Variants in PSME4 observed in about 807,000 individuals in gnomAD.
The protein encoded by PSME4 is proteasome activator subunit 4, also known as proteasome activator complex subunit 4.
PSME4 carries 89 observed loss-of-function variants against 253.9 expected under a neutral mutation model. The observed-to-expected ratio is 0.35, with a 90% CI of 0.30 to 0.42. The LOEUF (loss-of-function observed/expected upper bound fraction) is 0.42, where lower values mean the gene tolerates loss of function less well. Ranked by LOEUF, PSME4 falls within the 10% of genes least tolerant of loss-of-function variation. PSME4 has a pLI of 1.00. For missense variants in PSME4, 2,014 were observed against 2,195.2 expected, an observed-to-expected ratio of 0.92 and a Z score of 1.65; for synonymous variants, 851 against 759.2, an observed-to-expected ratio of 1.12 and a Z score of -1.99.
At chr2:53,955,165 T>C (rs1037528543) in intron 1 of PSME4, among the ~76,000 whole-genome samples, 1 of 152,146 alleles carries the variant, frequency 6.6e-6, no homozygotes, top group African/African-American at 2.4e-5. Flanking sequence ...AGCAAGACCC[T>C]GACTCTCCAA....
chr2:53,866,358 C>A, intron 45 of PSME4, 135 bp from the exon 46 acceptor site: 2 of 938,118 alleles, frequency 2.1e-6, no homozygotes, highest in South Asian at 1.9e-5. Context: ...AACCAAAAAG[C>A]CAATGAGAAG....
chr2:53,901,188 A>T (rs1398620193), intron 28 of PSME4, among the ~76,000 whole-genome samples, 162 bp downstream of exon 28: 1 of 152,188 alleles, frequency 6.6e-6, no homozygotes, highest in African/African-American at 2.4e-5. Context: ...ATAATGATCA[A>T]TGAAAGTACA....
At chr2:53,959,275 G>A (rs1434425124) in intron 1 of PSME4, among the ~76,000 whole-genome samples, 4 of 152,158 alleles carry the variant, frequency 2.6e-5, no homozygotes, top group Non-Finnish European at 5.9e-5. Context: ...TGAGGCAGGA[G>A]AATCGCTGGA....
intron 41 of PSME4, among the ~76,000 whole-genome samples, chr2:53,876,058 T>C (rs1679099945): frequency 6.6e-6 from 1 of 152,136 alleles, no homozygotes; most frequent in Admixed American, 6.6e-5. Flanking sequence ...AAAGGTCCCT[T>C]AAAAAAGAAT....
Position 53,893,709 on chromosome 2 carries a change from C to A in PSME4, c.4003G>T (p.Asp1335Tyr). 6.2e-7 allele frequency: 1 copy of A among 1,610,512 alleles called. No individual in the cohort carries two copies. The highest frequency in any genetic ancestry group is 1.7e-4 in the Middle Eastern group (1 of 6,014). Residue 1335 changes from aspartate to tyrosine, a missense_variant, in exon 35 of 47, where the codon GAT (aspartate) becomes TAT (tyrosine). This residue lies in a region of PSME4 where 989 missense variants were observed against 1,021.1 expected (regional missense o/e 0.97). Transcript: ENST00000404125. Reference protein sequence around the residue: ...FLSLEDRKGKDKFNPRRFCLF... With the variant: ...FLSLEDRKGKYKFNPRRFCLF... ...CAAAAACGTCGTGGATTAAACTTAT[C>A]TTTTCCTTTTCTGTCTTCTAATGAT...
At chr2:53,879,396 A>AAAAAGC (rs1180893788) in intron 41 of PSME4, among the ~76,000 whole-genome samples, 1 of 152,240 alleles carries the variant, frequency 6.6e-6, no homozygotes, top group African/African-American at 2.4e-5. Flanking sequence ...CTCTTCAGAA[A>AAAAAGC]AAAAGCAAAA....
Position 53,970,911 on chromosome 2 carries a change from G to T in PSME4, c.-127C>A. The T allele has an allele frequency of 2.7e-6, 2 of 745,990 alleles. No homozygotes were observed. The highest frequency in any genetic ancestry group is 4.0e-6 in the Non-Finnish European group (2 of 505,418). 46.2% of individuals were successfully genotyped at this position (745,990 alleles called of 1,614,324 possible). ...GCTGGCGGCCCGTCGCCCTCGGACC[G>T]ATCGCTAGGCCCCCTTCCCTGGCCG... is the stretch of plus-strand genomic sequence containing the variant. On this transcript the variant is annotated 5_prime_UTR_variant, in exon 1 of 47. Transcript: ENST00000404125.
At chr2:53,927,629 G>T in intron 11 of PSME4, 146 bp from the exon 12 acceptor site, 1 of 682,356 alleles carries the variant, frequency 1.5e-6, no homozygotes, top group Non-Finnish European at 2.6e-6. Context: ...ATTTAGAATT[G>T]AACACTGTAA....
Position 53,970,893 on chromosome 2 carries a change from G to T in PSME4, c.-109C>A. On this transcript the variant is annotated 5_prime_UTR_variant, in exon 1 of 47. Transcript: ENST00000404125. ...CTTCGTCGCCCTGCGGCCGCTGGCG[G>T]CCCGTCGCCCTCGGACCGATCGCTA... The T allele has an allele frequency of 1.0e-6, 1 of 981,926 alleles. No homozygotes were observed. The highest frequency in any genetic ancestry group is 1.4e-6 in the Non-Finnish European group (1 of 706,008). 60.8% of individuals were successfully genotyped at this position (981,926 alleles called of 1,614,324 possible).
At chr2:53,947,017 T>A (rs920924567) in intron 3 of PSME4, among the ~76,000 whole-genome samples, 3 of 152,242 alleles carry the variant, frequency 2.0e-5, no homozygotes, top group Non-Finnish European at 4.4e-5. Context: ...TATTTCGTGA[T>A]AAAATTTGCT....
intron 7 of PSME4, 129 bp downstream of exon 7, chr2:53,935,958 A>G (rs1481088070): frequency 7.8e-7 from 1 of 1,289,168 alleles, no homozygotes; most frequent in East Asian, 2.7e-5. Flanking sequence ...CAGTACTGCA[A>G]TCTTGGCTCA....
rs761207512 is a variant in PSME4, at chr2:53,888,715, A to T, written c.4388+6T>A. 1.2e-5 allele frequency: 19 copies of T among 1,599,864 alleles called. No individual in the cohort carries two copies. The highest frequency in any genetic ancestry group is 1.5e-5 in the Non-Finnish European group (18 of 1,168,382). ...TTAACCTCATAGGTTTTTTAAAAAA[A>T]TTTACCATGCATCTACAAAGGATCC... On this transcript the variant is annotated splice_donor_region_variant and intron_variant, in intron 38 of 46. Coordinates refer to ENST00000404125, the MANE Select transcript of PSME4 (RefSeq NM_014614.3).
At chr2:53,887,054 G>A (rs1679672618) in intron 40 of PSME4, among the ~76,000 whole-genome samples, 1 of 152,180 alleles carries the variant, frequency 6.6e-6, no homozygotes, top group African/African-American at 2.4e-5. Flanking sequence ...GTATGATGAA[G>A]AGGATTCTAG....
chr2:53,959,017 T>A (rs1162694130), intron 1 of PSME4, among the ~76,000 whole-genome samples: 1 of 152,158 alleles, frequency 6.6e-6, no homozygotes, highest in Non-Finnish European at 1.5e-5. Flanking sequence ...TAAGGACTTT[T>A]TAAAATGCCA....
At chr2:53,910,500 A>AT (rs1386701801) in intron 20 of PSME4, among the ~76,000 whole-genome samples, 2 of 152,262 alleles carry the variant, frequency 1.3e-5, no homozygotes, top group Non-Finnish European at 2.9e-5. Context: ...AGAGCTGACA[A>AT]GCTTATTTAG....
At chr2:53,929,772 C>A (rs930095834) in intron 10 of PSME4, among the ~76,000 whole-genome samples, 1 of 152,008 alleles carries the variant, frequency 6.6e-6, no homozygotes, top group Non-Finnish European at 1.5e-5. Context: ...AATCCCAGCA[C>A]TTTGGGAGGC....
At chr2:53,918,134 G>A (rs1668140101) in intron 20 of PSME4, among the ~76,000 whole-genome samples, 2 of 151,994 alleles carry the variant, frequency 1.3e-5, no homozygotes, top group South Asian at 2.1e-4. Context: ...GCTTTTTAAC[G>A]TTTTTGTTGG....
intron 20 of PSME4, among the ~76,000 whole-genome samples, chr2:53,911,948 T>A (rs1402660854): frequency 6.6e-6 from 1 of 152,352 alleles, no homozygotes; most frequent in Non-Finnish European, 1.5e-5. Context: ...CACTTTGAAT[T>A]GTTTTCTTAT....
At chr2:53,917,255 A>G in intron 20 of PSME4, 1 of 174,090 alleles carries the variant, frequency 5.7e-6, no homozygotes, top group Non-Finnish European at 1.3e-5. Context: ...AGATAAAAGG[A>G]TACTCAGGAT....
Sources: allele counts gnomAD v4.1 joint callset (sites outside exome capture counted in the v4.1 genomes callset), GRCh38; gene constraint gnomAD v4.1.1; regional missense constraint gnomAD v4.1.1; transcripts MANE v1.5; gene names NCBI Gene and HGNC (gene_info 2026-07-23, HGNC 2026-07-21).